EVI5: variants seen among roughly 807,000 people sequenced by gnomAD.
EVI5 encodes ecotropic viral integration site 5 protein homolog.
A neutral mutation model predicts 112.0 loss-of-function variants in EVI5; 73 were observed. The ratio of observed to expected loss-of-function variants is 0.65; its 90% CI spans 0.54 to 0.79. The LOEUF (loss-of-function observed/expected upper bound fraction) is 0.79, where lower values mean the gene tolerates loss of function less well. EVI5 is among the 30% of genes least tolerant of loss of function. The pLI is 0.00. For missense variants in EVI5, 900 were observed against 968.8 expected (o/e 0.93, Z 0.94); for synonymous variants, 305 against 319.9 (o/e 0.95, Z 0.50).
chr1:92,703,852 A>G (rs6671421), intron 3 of EVI5: 368,414 of 403,096 alleles, frequency 0.91, 168,702 homozygotes, highest in East Asian at 0.98. Context: ...TCAGTGTGTG[A>G]CCTCTTAAGG....
chr1:92,648,777 C>A (rs1661511150), intron 13 of EVI5, among the ~76,000 whole-genome samples: 2 of 152,132 alleles, frequency 1.3e-5, no homozygotes, highest in Non-Finnish European at 1.5e-5. Flanking sequence ...TCCATTCACC[C>A]ACTGAAGGAT....
intron 18 of EVI5, among the ~76,000 whole-genome samples, chr1:92,585,019 T>C (rs1672548924): frequency 1.3e-5 from 2 of 152,032 alleles, no homozygotes. Flanking sequence ...AGGTCAGGTG[T>C]TCGAGACCAG....
intron 19 of EVI5, among the ~76,000 whole-genome samples, chr1:92,529,883 T>A (rs1289450174): frequency 2.6e-5 from 4 of 152,236 alleles, no homozygotes; most frequent in Non-Finnish European, 5.9e-5. Context: ...AATACTTTCA[T>A]AAAAATTATG....
chr1:92,610,981 A>G (rs530010981), intron 16 of EVI5, among the ~76,000 whole-genome samples: 12 of 152,108 alleles, frequency 7.9e-5, no homozygotes, highest in Admixed American at 7.9e-4. Context: ...TAGCATTGGG[A>G]GATATACCTA....
intron 19 of EVI5, among the ~76,000 whole-genome samples, chr1:92,562,116 C>G: frequency 6.6e-6 from 1 of 152,152 alleles, no homozygotes; most frequent in East Asian, 1.9e-4. Flanking sequence ...ATTTTAATCA[C>G]AATTTCCTCT....
intron 1 of EVI5, chr1:92,792,259 A>G: frequency 1.2e-6 from 1 of 861,002 alleles, no homozygotes; most frequent in Non-Finnish European, 1.9e-6. Flanking sequence ...TACAAATCCT[A>G]ACTCAATAAC....
At chr1:92,787,281 T>C (rs1194499214), upstream of EVI5, among the ~76,000 whole-genome samples, 1 of 152,242 alleles carries the variant, frequency 6.6e-6, no homozygotes, top group African/African-American at 2.4e-5. Flanking sequence ...ACTTCAGTTA[T>C]GTTAAAACTG....
chr1:92,554,340 G>A (rs1667386310), intron 19 of EVI5, among the ~76,000 whole-genome samples: 1 of 152,182 alleles, frequency 6.6e-6, no homozygotes, highest in Non-Finnish European at 1.5e-5. Context: ...GTAGGGCAGT[G>A]GGATGCAGCA....
intron 13 of EVI5, among the ~76,000 whole-genome samples, chr1:92,639,462 T>C (rs1659525668): frequency 6.6e-6 from 1 of 152,038 alleles, no homozygotes; most frequent in African/African-American, 2.4e-5. Flanking sequence ...ATATTTGTAT[T>C]GGGGGAAGTT....
At chr1:92,761,349 T>C (rs907573312) in intron 1 of EVI5, among the ~76,000 whole-genome samples, 2 of 152,150 alleles carry the variant, frequency 1.3e-5, no homozygotes, top group African/African-American at 2.4e-5. Context: ...TTTTAGTGGG[T>C]ATTTGTCTAA....
intron 14 of EVI5, among the ~76,000 whole-genome samples, chr1:92,635,922 A>C (rs1253823761): frequency 6.6e-6 from 1 of 152,204 alleles, no homozygotes; most frequent in Non-Finnish European, 1.5e-5. Context: ...CTTCTGCAAC[A>C]TTTAGATACT....
intron 18 of EVI5, among the ~76,000 whole-genome samples, chr1:92,576,186 C>A (rs750866887): frequency 2.0e-5 from 3 of 152,010 alleles, no homozygotes; most frequent in Non-Finnish European, 2.9e-5. Flanking sequence ...ATGTATTCTA[C>A]CTTAGAGTCA....
At chr1:92,643,688 T>G (rs1291485555) in intron 13 of EVI5, among the ~76,000 whole-genome samples, 1 of 152,206 alleles carries the variant, frequency 6.6e-6, no homozygotes, top group East Asian at 1.9e-4. Flanking sequence ...GCAGAAACAC[T>G]TGTTAAATAA....
intron 1 of EVI5, among the ~76,000 whole-genome samples, chr1:92,758,560 A>G (rs1006672194): frequency 7.9e-5 from 8 of 100,730 alleles, no homozygotes; most frequent in Non-Finnish European, 1.5e-4. Context: ...ACAGGGCAAG[A>G]CCCTGTCTCA....
intron 19 of EVI5, among the ~76,000 whole-genome samples, chr1:92,554,470 T>C (rs1293090177): frequency 6.6e-6 from 1 of 152,198 alleles, no homozygotes; most frequent in Non-Finnish European, 1.5e-5. Context: ...AAAAACAAGA[T>C]AAATTTTAAG....
chr1:92,530,131 C>T (rs1662613929), intron 19 of EVI5, among the ~76,000 whole-genome samples: 1 of 152,148 alleles, frequency 6.6e-6, no homozygotes, highest in South Asian at 2.1e-4. Context: ...GAACTTAGTA[C>T]TCTGACTTGA....
chr1:92,578,889 T>TGTTC (rs2101063289), intron 18 of EVI5, among the ~76,000 whole-genome samples: 1 of 152,234 alleles, frequency 6.6e-6, no homozygotes, highest in East Asian at 1.9e-4. Flanking sequence ...TTTGTTTGTT[T>TGTTC]TTAAATAGAG....
chr1:92,764,942 A>G (rs1212281180), intron 1 of EVI5, among the ~76,000 whole-genome samples: 1 of 152,182 alleles, frequency 6.6e-6, no homozygotes, highest in African/African-American at 2.4e-5. Flanking sequence ...CACAATCTAT[A>G]AAAGAATTAT....
chr1:92,732,923 C>T (rs1676725196), intron 2 of EVI5, among the ~76,000 whole-genome samples: 1 of 111,876 alleles, frequency 8.9e-6, no homozygotes, highest in African/African-American at 3.2e-5. Context: ...AAAAAAATTA[C>T]ACTAACAGGC....
Sources: gnomAD v4.1 joint callset for allele counts (sites outside exome capture counted in the v4.1 genomes callset) on GRCh38, gnomAD v4.1.1 for gene constraint, MANE v1.5 for transcripts, NCBI Gene and HGNC (gene_info 2026-07-23, HGNC 2026-07-21) for gene names.